Variants in SP100 observed in about 807,000 individuals in gnomAD.
SP100 encodes the protein SP100 nuclear body protein.
SP100 carries 84 observed loss-of-function variants against 130.0 expected under a neutral mutation model. The ratio of observed to expected loss-of-function variants is 0.65; its 90% CI spans 0.54 to 0.77. The LOEUF (loss-of-function observed/expected upper bound fraction) is 0.77, where lower values mean the gene tolerates loss of function less well. Among genes scored for constraint, SP100 ranks in the 30% least tolerant of loss-of-function variants. The pLI, the probability that SP100 is intolerant of heterozygous loss-of-function variation, is 0.00. For missense variants in SP100, 978 were observed against 1,052.2 expected (o/e 0.93, Z 0.97); for synonymous variants, 331 against 351.7 (o/e 0.94, Z 0.66).
chr2:230,442,597 C>A (rs1235399673), intron 2 of SP100, among the ~76,000 whole-genome samples: 1 of 151,904 alleles, frequency 6.6e-6, no homozygotes, highest in East Asian at 1.9e-4. Flanking sequence ...TTTTTCATTT[C>A]TCTGTGGATG....
intron 18 of SP100, among the ~76,000 whole-genome samples, chr2:230,494,760 G>GA (rs200618509): frequency 4.6e-5 from 7 of 151,088 alleles, no homozygotes; most frequent in East Asian, 3.9e-4. Flanking sequence ...CAGTGGGAAT[G>GA]AAAAAAAAAT....
intron 24 of SP100, among the ~76,000 whole-genome samples, chr2:230,517,154 A>T (rs1387111855): frequency 2.6e-5 from 4 of 152,214 alleles, no homozygotes; most frequent in Non-Finnish European, 5.9e-5. Context: ...CTGCAAGAGG[A>T]GAGATACATT....
At chr2:230,487,194 T>C (rs538685611) in intron 17 of SP100, among the ~76,000 whole-genome samples, 2 of 152,372 alleles carry the variant, frequency 1.3e-5, no homozygotes, top group Non-Finnish European at 2.9e-5. Context: ...CATTTGTCAA[T>C]TGTTGCTTTT....
intron 26 of SP100, 125 bp downstream of exon 26, chr2:230,541,121 T>C: frequency 7.7e-7 from 1 of 1,302,238 alleles, no homozygotes; most frequent in Non-Finnish European, 1.1e-6. Context: ...TGTGCTTTGC[T>C]CCATGACCTA....
chr2:230,513,868 G>A (rs1370972480), intron 24 of SP100, among the ~76,000 whole-genome samples: 3 of 152,180 alleles, frequency 2.0e-5, no homozygotes, highest in East Asian at 1.9e-4. Flanking sequence ...AAGTAGTTGC[G>A]GTTTTCGCCA....
chr2:230,468,523 G>A (rs1020283529), intron 13 of SP100, among the ~76,000 whole-genome samples: 2 of 152,036 alleles, frequency 1.3e-5, no homozygotes, highest in Non-Finnish European at 2.9e-5. Flanking sequence ...ATATCTTTGA[G>A]GCCAGGTGTG....
intron 24 of SP100, chr2:230,516,069 T>G: frequency 1.0e-6 from 1 of 990,816 alleles, no homozygotes; most frequent in African/African-American, 1.7e-5. Context: ...TGAATGCTTC[T>G]AAGTAAATAC....
intron 13 of SP100, among the ~76,000 whole-genome samples, chr2:230,468,109 TC>T (rs1287774685): frequency 6.6e-6 from 1 of 152,106 alleles, no homozygotes; most frequent in Non-Finnish European, 1.5e-5. Context: ...TAACTATTGT[TC>T]CCCCCATTTG....
At chr2:230,542,567 G>A (rs1167261923) in intron 28 of SP100, among the ~76,000 whole-genome samples, 1 of 152,182 alleles carries the variant, frequency 6.6e-6, no homozygotes, top group East Asian at 1.9e-4. Flanking sequence ...AGAAAATGCT[G>A]TGCATAAAAA....
intron 19 of SP100, among the ~76,000 whole-genome samples, chr2:230,502,029 C>G (rs944160927): frequency 1.3e-5 from 2 of 148,656 alleles, no homozygotes; most frequent in South Asian, 4.3e-4. Context: ...CCACCACACC[C>G]AGCTTTTTTT....
chr2:230,459,099 T>C (rs1363321776), intron 8 of SP100, among the ~76,000 whole-genome samples: 2 of 152,034 alleles, frequency 1.3e-5, no homozygotes, highest in East Asian at 3.9e-4. Flanking sequence ...TAAGAGACAA[T>C]AATTTTTAAA....
chr2:230,479,710 G>T (rs904311869), intron 17 of SP100, among the ~76,000 whole-genome samples: 4 of 152,224 alleles, frequency 2.6e-5, no homozygotes, highest in South Asian at 2.1e-4. Flanking sequence ...AGTGTGGAAG[G>T]CTTCAGCACA....
chr2:230,473,130 G>C (rs2065358102), intron 15 of SP100, 194 bp from the exon 16 acceptor site: 1 of 474,700 alleles, frequency 2.1e-6, no homozygotes, highest in Admixed American at 3.5e-5. Context: ...TTTATTTCAA[G>C]ATGAAATTCT....
At chr2:230,534,558 CTAACT>C (rs1691844338) in intron 24 of SP100, among the ~76,000 whole-genome samples, 1 of 152,202 alleles carries the variant, frequency 6.6e-6, no homozygotes, top group Non-Finnish European at 1.5e-5. Context: ...TGACCTCAAA[CTAACT>C]TATTTGCACA....
chr2:230,448,451 G>A (rs961475555), intron 5 of SP100, among the ~76,000 whole-genome samples: 1 of 152,062 alleles, frequency 6.6e-6, no homozygotes, highest in Admixed American at 6.5e-5. Context: ...TACCACAAAT[G>A]GAGTTTACAT....
At chr2:230,499,672 G>A (rs1329986377) in intron 19 of SP100, among the ~76,000 whole-genome samples, 1 of 150,706 alleles carries the variant, frequency 6.6e-6, no homozygotes, top group Non-Finnish European at 1.5e-5. Context: ...GTCTGCACCA[G>A]ACCATGGGAA....
chr2:230,476,380 T>A (rs1404803850), intron 17 of SP100, among the ~76,000 whole-genome samples: 1 of 152,220 alleles, frequency 6.6e-6, no homozygotes, highest in African/African-American at 2.4e-5. Context: ...TTTTTATGCA[T>A]CGATTTTGTA....
At chr2:230,524,179 C>CAA (rs71420292) in intron 24 of SP100, among the ~76,000 whole-genome samples, 1,390 of 75,204 alleles carry the variant, frequency 0.018, 31 homozygotes, top group African/African-American at 0.04. Context: ...ACTAAAAATA[C>CAA]AAAAAAAAAA....
chr2:230,511,467 G>C (rs940975503), intron 24 of SP100, among the ~76,000 whole-genome samples: 10 of 152,152 alleles, frequency 6.6e-5, no homozygotes, highest in African/African-American at 2.4e-4. Flanking sequence ...AATGGACAGG[G>C]CTGGCCTGCC....
Sources: allele counts gnomAD v4.1 joint callset (sites outside exome capture counted in the v4.1 genomes callset), GRCh38; gene constraint gnomAD v4.1.1; transcripts MANE v1.5; gene names NCBI Gene and HGNC (gene_info 2026-07-23, HGNC 2026-07-21).